CADM2: variants seen among roughly 807,000 people sequenced by gnomAD.
CADM2 encodes cell adhesion molecule 2.
Under a neutral mutation model 49.8 loss-of-function variants are expected in CADM2, and 12 were observed. That is an observed-to-expected ratio of 0.24 (90% confidence interval 0.15 to 0.39). The LOEUF (loss-of-function observed/expected upper bound fraction) is 0.39. Among genes scored for constraint, CADM2 ranks in the 10% least tolerant of loss-of-function variants. CADM2 has a pLI of 1.00. For missense variants in CADM2, 378 were observed against 492.3 expected (o/e 0.77, Z 2.20); for synonymous variants, 214 against 175.4 (o/e 1.22, Z -1.74).
At chr3:86,010,799 TAAGAA>T (rs1427149910) in intron 8 of CADM2, among the ~76,000 whole-genome samples, 1 of 151,242 alleles carries the variant, frequency 6.6e-6, no homozygotes, top group Non-Finnish European at 1.5e-5. Context: ...TTAATCCAAC[TAAGAA>T]AAGAAAAATA....
At chr3:85,513,569 C>T (rs2060825032) in intron 1 of CADM2, among the ~76,000 whole-genome samples, 2 of 151,696 alleles carry the variant, frequency 1.3e-5, no homozygotes, top group African/African-American at 4.8e-5. Flanking sequence ...GAAATAAAAA[C>T]CTCAACAGCA....
chr3:85,310,268 G>A (rs1480821359), intron 1 of CADM2, among the ~76,000 whole-genome samples: 1 of 151,704 alleles, frequency 6.6e-6, no homozygotes, highest in East Asian at 1.9e-4. Flanking sequence ...AAAGAGTTGT[G>A]ATACTGATGA....
At chr3:85,090,172 C>G (rs1019977775) in intron 1 of CADM2, among the ~76,000 whole-genome samples, 1 of 152,012 alleles carries the variant, frequency 6.6e-6, no homozygotes, top group Non-Finnish European at 1.5e-5. Context: ...GATTTGAAAA[C>G]TTTCTCAGTT....
At chr3:85,121,847 A>AT (rs1173819934) in intron 1 of CADM2, among the ~76,000 whole-genome samples, 1 of 152,180 alleles carries the variant, frequency 6.6e-6, no homozygotes, top group Non-Finnish European at 1.5e-5. Flanking sequence ...TTAAAATATA[A>AT]TTAAAGTTAT....
intron 1 of CADM2, among the ~76,000 whole-genome samples, chr3:85,147,130 C>T (rs1177840994): frequency 2.6e-5 from 4 of 151,746 alleles, no homozygotes; most frequent in African/African-American, 7.3e-5. Context: ...AGAAAATTAG[C>T]CGGGCATGGT....
chr3:85,672,532 T>C (rs2107637238), intron 1 of CADM2, among the ~76,000 whole-genome samples: 1 of 152,248 alleles, frequency 6.6e-6, no homozygotes, highest in African/African-American at 2.4e-5. Context: ...TAACCATTTG[T>C]TCTCTATTTA....
At chr3:85,272,729 T>C (rs1169161005) in intron 1 of CADM2, among the ~76,000 whole-genome samples, 1 of 151,260 alleles carries the variant, frequency 6.6e-6, no homozygotes, top group Non-Finnish European at 1.5e-5. Flanking sequence ...CAGTTGAGAA[T>C]AGGTTCTTTC....
At position 85,944,430 on chromosome 3, in the gene CADM2, A is replaced by C. The variant is rs552738393; in HGVS notation, c.791+8573A>C. On this transcript the variant is annotated intron_variant, in intron 7 of 9. Transcript: ENST00000383699. ...CTCTGCACCAAGGAGACCTAATAGAAATCTACAGAACTCTCCACTCCAAAT... is the reference window on the plus strand; with the variant it reads ...CTCTGCACCAAGGAGACCTAATAGACATCTACAGAACTCTCCACTCCAAAT... Among the ~76,000 whole-genome samples the C allele has an allele frequency of 5.3e-5, 8 of 152,032 alleles. No individual in the cohort carries two copies. In the South Asian group the frequency reaches 1.5e-3, roughly 28 times the overall value.
intron 1 of CADM2, among the ~76,000 whole-genome samples, chr3:85,625,718 T>G (rs975876919): frequency 1.3e-5 from 2 of 151,988 alleles, no homozygotes; most frequent in African/African-American, 4.8e-5. Flanking sequence ...TTCACATGAG[T>G]AATAAATTTT....
intron 1 of CADM2, among the ~76,000 whole-genome samples, chr3:85,097,149 C>T (rs2107535401): frequency 6.6e-6 from 1 of 152,252 alleles, no homozygotes; most frequent in African/African-American, 2.4e-5. Flanking sequence ...TCCCTTCCCC[C>T]TCCCCACACC....
chr3:85,898,570 TTTC>T (rs1394844729), intron 5 of CADM2, among the ~76,000 whole-genome samples: 1 of 148,148 alleles, frequency 6.8e-6, no homozygotes, highest in Non-Finnish European at 1.5e-5. Context: ...TGTACATATC[TTTC>T]TTTTTTTTTT....
intron 8 of CADM2, among the ~76,000 whole-genome samples, chr3:86,016,612 G>T (rs913808306): frequency 2.6e-5 from 4 of 152,070 alleles, no homozygotes. Flanking sequence ...CCTTCTCTGC[G>T]GAAGTTTCAA....
At chr3:85,360,056 C>T (rs944890974) in intron 1 of CADM2, among the ~76,000 whole-genome samples, 8 of 151,560 alleles carry the variant, frequency 5.3e-5, no homozygotes, top group African/African-American at 7.3e-5. Context: ...TGAATTTTCA[C>T]GTATACAAAG....
rs1439749643 is a variant in CADM2 at position 86,066,887 on chromosome 3, A to T, written c.*104A>T. 1.3e-6 allele frequency: 1 copy of T among 763,378 alleles called. No individual in the cohort carries two copies. Among genetic ancestry groups the T allele is most frequent in the Admixed American group, 1.9e-5 (1 of 53,068 alleles). The allele number at this position is 763,378 out of a possible 1,614,324, so 47.3% of individuals were successfully genotyped here. On this transcript the variant is annotated 3_prime_UTR_variant, in exon 10 of 10. Coordinates refer to ENST00000383699, the MANE Select transcript of CADM2 (RefSeq NM_001167675.2). Reference sequence around the variant, plus strand: ...CTACCATCGTCTGCTACCCTTATTAACTCCCATACTGTACTGCTATCAGTA... The same window carrying T: ...CTACCATCGTCTGCTACCCTTATTATCTCCCATACTGTACTGCTATCAGTA...
chr3:85,511,490 A>C (rs1438127129), intron 1 of CADM2, among the ~76,000 whole-genome samples: 1 of 152,134 alleles, frequency 6.6e-6, no homozygotes, highest in East Asian at 1.9e-4. Flanking sequence ...TAGTAACACC[A>C]GAAATAATAC....
At chr3:85,428,840 T>A (rs2036541709) in intron 1 of CADM2, among the ~76,000 whole-genome samples, 1 of 151,518 alleles carries the variant, frequency 6.6e-6, no homozygotes, top group African/African-American at 2.4e-5. Context: ...CTCTTTTGCC[T>A]CTTTAGGTTA....
At chr3:85,969,932 T>C (rs530950625) in intron 8 of CADM2, among the ~76,000 whole-genome samples, 42 of 150,098 alleles carry the variant, frequency 2.8e-4, no homozygotes, top group Non-Finnish European at 4.9e-4. Context: ...TACACACATA[T>C]ACGAATATAC....
chr3:85,856,914 G>A (rs1390242145), intron 3 of CADM2, among the ~76,000 whole-genome samples: 2 of 152,126 alleles, frequency 1.3e-5, no homozygotes, highest in African/African-American at 4.8e-5. Flanking sequence ...GATAAACCAT[G>A]CAAAACATTT....
At chr3:85,726,092 T>C (rs1038737695) in intron 1 of CADM2, among the ~76,000 whole-genome samples, 1 of 152,082 alleles carries the variant, frequency 6.6e-6, no homozygotes, top group African/African-American at 2.4e-5. Context: ...CTCTGGCATT[T>C]AGAAAGCACT....
Sources: gnomAD v4.1 joint callset for allele counts (sites outside exome capture counted in the v4.1 genomes callset) on GRCh38, gnomAD v4.1.1 for gene constraint, MANE v1.5 for transcripts, NCBI Gene and HGNC (gene_info 2026-07-23, HGNC 2026-07-21) for gene names.